SLC39A6: variants seen among roughly 807,000 people sequenced by gnomAD.
The protein encoded by SLC39A6 is zinc transporter ZIP6.
SLC39A6 carries 51 observed loss-of-function variants against 63.5 expected under a neutral mutation model. The observed-to-expected ratio is 0.80, with a 90% CI of 0.64 to 1.01. The LOEUF (loss-of-function observed/expected upper bound fraction) is 1.01. Ranked by LOEUF, SLC39A6 falls within the 50% of genes least tolerant of loss-of-function variation. The pLI, the probability that SLC39A6 is intolerant of heterozygous loss-of-function variation, is 0.00. For missense variants in SLC39A6, 805 were observed against 927.8 expected (o/e 0.87, Z 1.72); for synonymous variants, 318 against 324.7 (o/e 0.98, Z 0.22).
chr18:36,116,828 T>C, intron 5 of SLC39A6, 49 bp from the exon 6 acceptor site: 1 of 1,334,252 alleles, frequency 7.5e-7, no homozygotes, highest in Non-Finnish European at 1.1e-6. Context: ...TTTGTTTATA[T>C]GTACAGCTTT....
At chr18:36,111,967 A>C (rs1442787779) in intron 8 of SLC39A6, among the ~76,000 whole-genome samples, 2 of 152,222 alleles carry the variant, frequency 1.3e-5, no homozygotes, top group South Asian at 2.1e-4. Flanking sequence ...TGCATAAAAA[A>C]CAGCTGAAGA....
In SLC39A6 at chr18:36,109,762, G is replaced by C; in HGVS notation, c.2116-17C>G. ...TTCAGGTACCTTTAAAAAAAAGTAA[G>C]GGAAAATAAGAGTGACATTTAAGTT... is the stretch of plus-strand genomic sequence containing the variant. On this transcript the variant is annotated splice_polypyrimidine_tract_variant and intron_variant, in intron 9 of 9. Coordinates refer to ENST00000269187, the MANE Select transcript of SLC39A6 (RefSeq NM_012319.4). 1 of 1,586,708 alleles carries C rather than the reference G, an allele frequency of 6.3e-7. No individual in the cohort carries two copies. Among genetic ancestry groups the C allele is most frequent in the Non-Finnish European group, 8.5e-7 (1 of 1,170,468 alleles).
intron 4 of SLC39A6, among the ~76,000 whole-genome samples, chr18:36,122,794 G>C (rs1225181405): frequency 6.6e-6 from 1 of 152,214 alleles, no homozygotes; most frequent in Non-Finnish European, 1.5e-5. Context: ...GGGGATCACA[G>C]AGTACACCCC....
Position 36,115,216 on chromosome 18 carries a change from C to T in SLC39A6, c.1466-742G>A, listed in dbSNP as rs149664722. Among the ~76,000 whole-genome samples the T allele has an allele frequency of 8.3e-3, 1,266 of 152,104 alleles. 25 individuals carry two copies. Among genetic ancestry groups the T allele is most frequent in the African/African-American group, 0.029 (1,203 of 41,510 alleles). On this transcript the variant is annotated intron_variant, in intron 6 of 9. Coordinates refer to ENST00000269187, the MANE Select transcript of SLC39A6 (RefSeq NM_012319.4). ...CAGCACTTTGGGAGGCAGAGGTGGG[C>T]GGATCACAACGTCAGGGGATCGAGA...
chr18:36,110,832 G>A (rs377415492), intron 9 of SLC39A6, among the ~76,000 whole-genome samples: 16 of 151,830 alleles, frequency 1.1e-4, no homozygotes, highest in African/African-American at 3.2e-4. Flanking sequence ...ATGAGCCACC[G>A]TGCCCAGCCA....
intron 4 of SLC39A6, 99 bp from the exon 5 acceptor site, chr18:36,122,369 G>A: frequency 4.7e-6 from 4 of 859,548 alleles, no homozygotes; most frequent in Non-Finnish European, 7.5e-6. Flanking sequence ...ATTCAGTTAT[G>A]CAATTATTCA....
intron 5 of SLC39A6, among the ~76,000 whole-genome samples, chr18:36,121,279 C>T (rs373180707): frequency 6.6e-6 from 1 of 152,138 alleles, no homozygotes; most frequent in African/African-American, 2.4e-5. Context: ...GCCTCAGCCT[C>T]CCAAGTAGCT....
chr18:36,127,739 G>A (rs1292373584), intron 1 of SLC39A6, among the ~76,000 whole-genome samples: 1 of 149,860 alleles, frequency 6.7e-6, no homozygotes, highest in Non-Finnish European at 1.5e-5. Context: ...TATTTTCTAT[G>A]CATACTCAAA....
chr18:36,110,300 T>C (rs1357263068), intron 9 of SLC39A6, among the ~76,000 whole-genome samples: 3 of 152,170 alleles, frequency 2.0e-5, no homozygotes, highest in South Asian at 2.1e-4. Context: ...CATCTTGTCC[T>C]AGACTTCCTA....
Position 36,111,078 on chromosome 18 carries a change from T to C in SLC39A6, c.2096A>G (p.Tyr699Cys), listed in dbSNP as rs377503705. 1.9e-6 allele frequency: 3 copies of C among 1,613,844 alleles called. No individual in the cohort carries two copies. The highest frequency in any genetic ancestry group is 2.7e-5 in the African/African-American group (2 of 74,938). ...ACTTACCATATCAACCAGAGCAACA[T>C]ACATGAATAAGCCAGCAGTAAGTGC... The part of the protein sequence containing the change: ...IFALTAGLFM[Y>C]VALVDMVPEM... The change falls in exon 9 of 10, where the codon TAT becomes TGT. Residue 699 changes from tyrosine to cysteine, a missense_variant. This residue lies in a region of SLC39A6 where 145 missense variants were observed against 227.2 expected (regional missense o/e 0.64). Coordinates refer to ENST00000269187, the MANE Select transcript of SLC39A6 (RefSeq NM_012319.4).
At chr18:36,119,819 G>A (rs189068259) in intron 5 of SLC39A6, among the ~76,000 whole-genome samples, 50 of 151,880 alleles carry the variant, frequency 3.3e-4, no homozygotes, top group Admixed American at 2.3e-3. Context: ...AATTTGAAGC[G>A]CAATGAGCTA....
intron 5 of SLC39A6, among the ~76,000 whole-genome samples, chr18:36,121,436 C>T (rs1280121617): frequency 1.3e-5 from 2 of 152,196 alleles, no homozygotes; most frequent in East Asian, 1.9e-4. Context: ...GGATTACAGG[C>T]ATGAACCACC....
At chr18:36,111,320 T>C in intron 8 of SLC39A6, 71 bp from the exon 9 acceptor site, 1 of 1,464,212 alleles carries the variant, frequency 6.8e-7, no homozygotes, top group Non-Finnish European at 9.2e-7. Context: ...CCAAGATACT[T>C]CCCAGATTTA....
chr18:36,126,915 CT>C lies in SLC39A6; in HGVS notation c.92del (p.Gln31ArgfsTer52). On this transcript the variant is annotated frameshift_variant, in exon 2 of 10. Coordinates refer to ENST00000269187, the MANE Select transcript of SLC39A6 (RefSeq NM_012319.4). LOFTEE classifies it high-confidence loss of function. ...LHELKAAAFP[Q>X]TTEKISPNWE... ...AATTCGGACTAATTTTCTCAGTGGT[CT>C]GGGGGAAAGCAGCTGCTTTTAGTTC... 6.2e-7 allele frequency: 1 copy of C among 1,614,060 alleles called. No homozygotes were observed. The highest frequency in any genetic ancestry group is 8.5e-7 in the Non-Finnish European group (1 of 1,180,010).
chr18:36,123,714 C>T (rs2089412874), intron 3 of SLC39A6, 50 bp from the exon 4 acceptor site: 2 of 1,541,300 alleles, frequency 1.3e-6, no homozygotes, highest in Non-Finnish European at 1.7e-6. Flanking sequence ...AACTAATAAA[C>T]TCTACAAGAA....
At chr18:36,118,512 T>C (rs917028107) in intron 5 of SLC39A6, among the ~76,000 whole-genome samples, 2 of 151,812 alleles carry the variant, frequency 1.3e-5, no homozygotes, top group African/African-American at 4.8e-5. Flanking sequence ...GTGGGGAAGG[T>C]TGGGGAGGCA....
intron 6 of SLC39A6, among the ~76,000 whole-genome samples, chr18:36,116,277 C>T (rs2089344690): frequency 6.6e-6 from 1 of 152,080 alleles, no homozygotes; most frequent in African/African-American, 2.4e-5. Context: ...AACATCATGT[C>T]TATAACTTAC....
At chr18:36,119,489 G>C (rs1028616592) in intron 5 of SLC39A6, among the ~76,000 whole-genome samples, 2 of 152,128 alleles carry the variant, frequency 1.3e-5, no homozygotes, top group Admixed American at 1.3e-4. Context: ...TTTTAAAGCA[G>C]AGTGCATCAA....
intron 6 of SLC39A6, among the ~76,000 whole-genome samples, chr18:36,115,671 G>T (rs1041829135): frequency 1.3e-5 from 2 of 152,094 alleles, no homozygotes; most frequent in South Asian, 4.1e-4. Context: ...TGCATGGCCC[G>T]GAGACAAGCC....
Sources: allele counts gnomAD v4.1 joint callset (sites outside exome capture counted in the v4.1 genomes callset), GRCh38; gene constraint gnomAD v4.1.1; regional missense constraint gnomAD v4.1.1; transcripts MANE v1.5; gene names NCBI Gene and HGNC (gene_info 2026-07-23, HGNC 2026-07-21).